Variants in NDUFAF7 observed in about 807,000 individuals in gnomAD.
NDUFAF7 encodes NADH:ubiquinone oxidoreductase complex assembly factor 7, also known as protein arginine methyltransferase NDUFAF7, mitochondrial.
A neutral mutation model predicts 47.2 loss-of-function variants in NDUFAF7; 48 were observed. The ratio of observed to expected loss-of-function variants is 1.02; its 90% CI spans 0.81 to 1.29. The LOEUF (loss-of-function observed/expected upper bound fraction) is 1.29. Ranked by LOEUF, NDUFAF7 falls within the 50% of genes most tolerant of loss-of-function variation. The probability of loss-of-function intolerance (pLI) is 0.00; values close to 1 mark genes in which losing one functional copy is unlikely to be tolerated. For synonymous variants in NDUFAF7, 217 were observed against 190.0 expected (o/e 1.14, Z -1.17); for missense variants, 635 against 537.6 (o/e 1.18, Z -1.79).
chr2:37,246,352 C>T (rs986137842), intron 8 of NDUFAF7, among the ~76,000 whole-genome samples, 157 bp downstream of exon 8: 12 of 152,202 alleles, frequency 7.9e-5, no homozygotes, highest in Non-Finnish European at 1.8e-4. Flanking sequence ...AACCCTAGTT[C>T]TTACTGCTAA....
chr2:37,244,115 A>T, intron 7 of NDUFAF7, 142 bp downstream of exon 7: 1 of 727,666 alleles, frequency 1.4e-6, no homozygotes, highest in Admixed American at 2.4e-5. Context: ...ATTGACAGTG[A>T]AAGTGCAGAG....
At chr2:37,234,717 C>G (rs1191658558) in intron 2 of NDUFAF7, among the ~76,000 whole-genome samples, 7 of 152,040 alleles carry the variant, frequency 4.6e-5, no homozygotes, top group Admixed American at 4.6e-4. Flanking sequence ...AAGGGGACAG[C>G]TAAAAGGACT....
chr2:37,244,869 C>T (rs917126675), intron 7 of NDUFAF7, among the ~76,000 whole-genome samples: 9 of 152,072 alleles, frequency 5.9e-5, no homozygotes, highest in Non-Finnish European at 1.2e-4. Context: ...GAACTAACCT[C>T]CTGGCCCTGG....
chr2:37,246,253 T>C (rs1666889673), intron 8 of NDUFAF7, 58 bp downstream of exon 8: 2 of 1,576,980 alleles, frequency 1.3e-6, no homozygotes, highest in Admixed American at 1.7e-5. Context: ...CTGAAGCCCA[T>C]TGAAGAGCTT....
chr2:37,251,175 C>CATG (rs1667458893), downstream of NDUFAF7: 1 of 152,506 alleles, frequency 6.6e-6, no homozygotes, highest in Non-Finnish European at 1.5e-5. Flanking sequence ...CATCCTCTAT[C>CATG]ACAGGGAAAA....
rs769179986 is a variant in NDUFAF7 at position 37,232,150 on chromosome 2, G to C, written c.100G>C (p.Glu34Gln). Residue 34 changes from glutamate to glutamine, a missense_variant, in exon 2 of 10, where the codon GAG becomes CAG. Coordinates refer to ENST00000002125, the MANE Select transcript of NDUFAF7 (RefSeq NM_144736.5). Reference protein sequence around the residue: ...WRGKYFSSGNEPAENPVTPML... With the variant: ...WRGKYFSSGNQPAENPVTPML... ...AGGGAAATACTTCAGCTCCGGGAAT[G>C]AGCCTGCAGAAAACCCGGTGACGCC... The C allele has an allele frequency of 1.1e-5, 17 of 1,614,238 alleles. No individual in the cohort carries two copies. Among genetic ancestry groups the C allele is most frequent in the Non-Finnish European group, 1.4e-5 (17 of 1,180,048 alleles).
At chr2:37,242,542 G>T in intron 5 of NDUFAF7, 93 bp from the exon 6 acceptor site, 1 of 953,238 alleles carries the variant, frequency 1.0e-6, no homozygotes. Context: ...TGATGATTAT[G>T]GAGGAAGTAG....
chr2:37,251,585 C>G (rs754667392), downstream of NDUFAF7: 4 of 152,338 alleles, frequency 2.6e-5, no homozygotes, highest in African/African-American at 7.2e-5. Context: ...TGTCGAAAGG[C>G]CTTCTCAGTC....
chr2:37,261,422 G>A, the NDUFAF7 span, among the ~76,000 whole-genome samples: 1 of 151,724 alleles, frequency 6.6e-6, no homozygotes, highest in African/African-American at 2.4e-5. Flanking sequence ...GGGAGGTGGA[G>A]GCTGCAGTGA....
chr2:37,261,038 C>T, the NDUFAF7 span, among the ~76,000 whole-genome samples: 2 of 152,202 alleles, frequency 1.3e-5, no homozygotes, highest in African/African-American at 4.8e-5. Flanking sequence ...CAGCCTTGCT[C>T]AAACACCTTC....
At chr2:37,255,578 A>G (rs1005410365), downstream of NDUFAF7, among the ~76,000 whole-genome samples, 1 of 152,198 alleles carries the variant, frequency 6.6e-6, no homozygotes, top group African/African-American at 2.4e-5. Flanking sequence ...GAGAGAGGAA[A>G]ACAAACTGCA....
At chr2:37,249,502 G>A (rs113245837), downstream of NDUFAF7, among the ~76,000 whole-genome samples, 21 of 151,478 alleles carry the variant, frequency 1.4e-4, no homozygotes, top group Admixed American at 4.0e-4. Flanking sequence ...GCTTGAACCC[G>A]GGAGGCGGAG....
downstream of NDUFAF7, chr2:37,256,708 A>G (rs1168698411): frequency 1.3e-6 from 2 of 1,595,330 alleles, no homozygotes; most frequent in East Asian, 2.3e-5. Context: ...ACATAAATGC[A>G]GCATTTTGGA....
At chr2:37,245,596 G>T (rs1209451354) in intron 7 of NDUFAF7, among the ~76,000 whole-genome samples, 1 of 152,140 alleles carries the variant, frequency 6.6e-6, no homozygotes, top group Non-Finnish European at 1.5e-5. Flanking sequence ...GTCTAATAGG[G>T]TCTGCTTCGT....
intron 4 of NDUFAF7, among the ~76,000 whole-genome samples, chr2:37,240,397 T>C (rs1666230468): frequency 6.6e-6 from 1 of 151,584 alleles, no homozygotes; most frequent in South Asian, 2.1e-4. Flanking sequence ...AGTGAGACCC[T>C]GTCTCAAAAA....
chr2:37,268,283 G>C, the NDUFAF7 span: 1 of 469,364 alleles, frequency 2.1e-6, no homozygotes, highest in Non-Finnish European at 4.4e-6. Flanking sequence ...TGCATTTTTG[G>C]TAAGAAGCCA....
chr2:37,256,628 ATTT>A (rs56389006), downstream of NDUFAF7: 53,788 of 1,169,184 alleles, frequency 0.046, 284 homozygotes, highest in African/African-American at 0.066. Flanking sequence ...CATAGCCAAA[ATTT>A]TTTTTTTTTT....
At chr2:37,247,747 A>G in intron 9 of NDUFAF7, 118 bp downstream of exon 9, 1 of 1,217,524 alleles carries the variant, frequency 8.2e-7, no homozygotes, top group East Asian at 2.5e-5. Flanking sequence ...TTGGTATTCC[A>G]GTCTTTTCAG....
intron 8 of NDUFAF7, 184 bp from the exon 9 acceptor site, chr2:37,247,272 G>A (rs1667030008): frequency 1.5e-6 from 1 of 670,608 alleles, no homozygotes; most frequent in East Asian, 2.8e-5. Flanking sequence ...AGGTGATTCT[G>A]ATGCATGGTT....
Sources: gnomAD v4.1 joint callset for allele counts (sites outside exome capture counted in the v4.1 genomes callset) on GRCh38, gnomAD v4.1.1 for gene constraint, MANE v1.5 for transcripts, NCBI Gene and HGNC (gene_info 2026-07-23, HGNC 2026-07-21) for gene names.